PPP6R2: variants seen among roughly 807,000 people sequenced by gnomAD.
PPP6R2 encodes the protein protein phosphatase 6 regulatory subunit 2.
In PPP6R2, 62 loss-of-function variants were observed where a neutral mutation model predicts 100.2. That is an observed-to-expected ratio of 0.62 (90% CI 0.50 to 0.76). The LOEUF is 0.76. Among genes scored for constraint, PPP6R2 ranks in the 30% least tolerant of loss-of-function variants. The pLI, the probability that PPP6R2 is intolerant of heterozygous loss-of-function variation, is 0.00. For synonymous variants in PPP6R2, 525 were observed against 514.7 expected, an observed-to-expected ratio of 1.02 and a Z score of -0.27; for missense variants, 1,142 against 1,276.3, an observed-to-expected ratio of 0.89 and a Z score of 1.60.
chr22:50,369,892 A>T (rs1021945092), intron 1 of PPP6R2, among the ~76,000 whole-genome samples: 2 of 141,438 alleles, frequency 1.4e-5, no homozygotes, highest in Admixed American at 7.2e-5. Context: ...GTGCCACCAC[A>T]CCCAGCTAAG....
At chr22:50,355,427 A>T (rs1005254867) in intron 1 of PPP6R2, among the ~76,000 whole-genome samples, 12 of 150,790 alleles carry the variant, frequency 8.0e-5, no homozygotes, top group Admixed American at 3.3e-4. Context: ...TTTAGTAGAG[A>T]AGGGGTTTCA....
chr22:50,396,571 C>T (rs2056937393), intron 3 of PPP6R2, among the ~76,000 whole-genome samples: 1 of 152,076 alleles, frequency 6.6e-6, no homozygotes, highest in African/African-American at 2.4e-5. Context: ...TTTCAGTATC[C>T]ACCAATAAAG....
rs542856983 is a variant in PPP6R2 at position 50,423,184 on chromosome 22, C to T, written c.973-278C>T. ...CTGGCCCCATCTTGGACATCTCACCCGCTGAGGTGCACGGCTCTCTGGCCC... is the reference window on the plus strand; with the variant it reads ...CTGGCCCCATCTTGGACATCTCACCTGCTGAGGTGCACGGCTCTCTGGCCC... On this transcript the variant is annotated intron_variant, in intron 9 of 23. Transcript: ENST00000612753. This position sits in a 1 kb window ranked among gnomAD's most constrained non-coding sequence, Gnocchi z 4.8. Among the ~76,000 whole-genome samples, 2 of 152,306 alleles carry T rather than the reference C, an allele frequency of 1.3e-5. No homozygotes were observed. Among genetic ancestry groups the T allele is most frequent in the South Asian group, 2.1e-4 (1 of 4,826 alleles).
intron 2 of PPP6R2, 47 bp from the exon 3 acceptor site, chr22:50,393,846 T>A (rs968424678): frequency 1.2e-6 from 2 of 1,605,572 alleles, no homozygotes; most frequent in East Asian, 4.5e-5. Flanking sequence ...TTGCTGAAGG[T>A]GGATTTGCAA....
chr22:50,426,268 A>G (rs980616597), intron 10 of PPP6R2, among the ~76,000 whole-genome samples: 3 of 152,210 alleles, frequency 2.0e-5, no homozygotes. Context: ...ACTCCTTGAT[A>G]ATGACCTTTG....
At position 50,432,281 on chromosome 22, in the gene PPP6R2, G is replaced by C. The variant is rs1287168041; in HGVS notation, c.1352G>C (p.Cys451Ser). Residue 451 changes from cysteine to serine, a missense_variant, in exon 12 of 24, where the codon TGC becomes TCC. By Grantham distance (112) the Cys-to-Ser change is moderately radical. Around this residue, in one of 2 missense-constraint regions of PPP6R2, gnomAD observed 592 missense variants for 758.9 expected, o/e 0.78. Transcript: ENST00000612753. ...GCCCCCCAGCTGTTCCAGAAGTGCT[G>C]CCTGGTGCAGAGGATCCTGGAGGCC... ...TMVTHLFQKC[C>S]LVQRILEAWE... The C allele has an allele frequency of 1.3e-6, 2 of 1,550,008 alleles. No homozygotes were observed. Among genetic ancestry groups the C allele is most frequent in the Non-Finnish European group, 1.7e-6 (2 of 1,147,170 alleles).
At chr22:50,355,416 T>G (rs940426295) in intron 1 of PPP6R2, among the ~76,000 whole-genome samples, 1 of 151,504 alleles carries the variant, frequency 6.6e-6, no homozygotes, top group African/African-American at 2.4e-5. Context: ...TTTTTTGTAT[T>G]TTTAGTAGAG....
chr22:50,374,673 T>TGG (rs1454565209), intron 2 of PPP6R2, among the ~76,000 whole-genome samples: 1 of 151,992 alleles, frequency 6.6e-6, no homozygotes, highest in East Asian at 1.9e-4. Context: ...CCCAGCACTT[T>TGG]GGGAGGCCAA....
chr22:50,402,948 C>T (rs113729116), intron 3 of PPP6R2, among the ~76,000 whole-genome samples: 1,879 of 152,326 alleles, frequency 0.012, 37 homozygotes, highest in African/African-American at 0.043. Context: ...TGTGGTGGCT[C>T]ACGCCTGTAA....
At chr22:50,370,761 G>A (rs1417975746) in intron 1 of PPP6R2, among the ~76,000 whole-genome samples, 1 of 151,826 alleles carries the variant, frequency 6.6e-6, no homozygotes, top group Non-Finnish European at 1.5e-5. Flanking sequence ...AGCCTCCCGA[G>A]TAGCTGGGAT....
chr22:50,438,119 G>A (rs1051809456), intron 17 of PPP6R2, 55 bp from the exon 18 acceptor site: 24 of 1,571,840 alleles, frequency 1.5e-5, no homozygotes, highest in Middle Eastern at 1.7e-4. Context: ...TGGGGAGAGC[G>A]GCTCCTGTCT....
intron 1 of PPP6R2, among the ~76,000 whole-genome samples, chr22:50,354,380 C>A (rs1397202674): frequency 6.6e-6 from 1 of 152,084 alleles, no homozygotes; most frequent in Non-Finnish European, 1.5e-5. Flanking sequence ...CTCAGAGTTA[C>A]CAGTTGAGCT....
intron 2 of PPP6R2, among the ~76,000 whole-genome samples, chr22:50,388,035 GGCTCATGCTGTAATCCCAGT>G (rs1252642942): frequency 6.6e-6 from 1 of 152,112 alleles, no homozygotes; most frequent in Non-Finnish European, 1.5e-5. Context: ...GGGCGCCAGT[GGCTCATGCTGTAATCCCAGT>G]GCTCATGCTG....
chr22:50,333,409 TCA>T, the PPP6R2 span, among the ~76,000 whole-genome samples: 1 of 151,544 alleles, frequency 6.6e-6, no homozygotes, highest in African/African-American at 2.4e-5. Context: ...CAATCTTGGC[TCA>T]CTGCAAGCTC....
At chr22:50,397,237 C>T (rs757714094) in intron 3 of PPP6R2, among the ~76,000 whole-genome samples, 2 of 151,798 alleles carry the variant, frequency 1.3e-5, no homozygotes, top group African/African-American at 4.8e-5. Flanking sequence ...CCTGTGACTT[C>T]GGAGGGAGAG....
At chr22:50,417,763 T>C (rs2060746198) in intron 6 of PPP6R2, among the ~76,000 whole-genome samples, 1 of 152,152 alleles carries the variant, frequency 6.6e-6, no homozygotes, top group Admixed American at 6.5e-5. Flanking sequence ...AGCCCACCCA[T>C]GCATGTGGGT....
At chr22:50,438,443 C>A in intron 18 of PPP6R2, 145 bp downstream of exon 18, 2 of 1,443,118 alleles carry the variant, frequency 1.4e-6, no homozygotes, top group South Asian at 1.3e-5. Context: ...CAGCGGGTGA[C>A]CCTAAGGAGC....
At chr22:50,337,485 C>T in the PPP6R2 span, among the ~76,000 whole-genome samples, 17 of 96,314 alleles carry the variant, frequency 1.8e-4, no homozygotes, top group South Asian at 3.7e-4. Context: ...TGTTTGTCTG[C>T]GATGTGTGGT....
rs977813818 is a variant in PPP6R2 at position 50,408,169 on chromosome 22, G to A, written c.414+1294G>A. On this transcript the variant is annotated intron_variant, in intron 4 of 23. Coordinates refer to ENST00000612753, the MANE Select transcript of PPP6R2 (RefSeq NM_001242898.2). Reference sequence around the variant, plus strand: ...CCCAAAGTCCTGGGACTACAGGTGTGAGCCACGATGCCCAGCTATGTATCT... The same window carrying A: ...CCCAAAGTCCTGGGACTACAGGTGTAAGCCACGATGCCCAGCTATGTATCT... Among the ~76,000 whole-genome samples, 4 of 152,178 alleles carry A rather than the reference G, an allele frequency of 2.6e-5. No individual in the cohort carries two copies. In the South Asian group the frequency reaches 6.2e-4, roughly 24 times the overall value.
Sources: gnomAD v4.1 joint callset for allele counts (sites outside exome capture counted in the v4.1 genomes callset) on GRCh38, gnomAD v4.1.1 for gene constraint, gnomAD v4.1.1 regional missense constraint, Gnocchi (gnomAD v3.1) non-coding constraint, MANE v1.5 for transcripts, NCBI Gene and HGNC (gene_info 2026-07-23, HGNC 2026-07-21) for gene names.